The following MYBPHL variants were observed in gnomAD, a reference collection of about 807,000 sequenced individuals.
The protein encoded by MYBPHL is myosin-binding protein H-like.
A neutral mutation model predicts 39.5 loss-of-function variants in MYBPHL; 32 were observed. That is an observed-to-expected ratio of 0.81 (90% CI 0.61 to 1.09). The LOEUF is 1.09. MYBPHL is among the 50% of genes least tolerant of loss of function. The pLI is 0.00. For synonymous variants in MYBPHL, 196 were observed against 183.7 expected (o/e 1.07, Z -0.54); for missense variants, 456 against 460.2 (o/e 0.99, Z 0.08).
chr1:109,298,027 C>A, intron 2 of MYBPHL, 142 bp downstream of exon 2: 1 of 704,266 alleles, frequency 1.4e-6, no homozygotes, highest in Non-Finnish European at 2.3e-6. Context: ...GTCATTTGGC[C>A]TCAGACTTCT....
chr1:109,299,922 A>C (rs924004791), intron 1 of MYBPHL, among the ~76,000 whole-genome samples: 4 of 152,254 alleles, frequency 2.6e-5, no homozygotes, highest in Non-Finnish European at 4.4e-5. Context: ...CATCTTGGCA[A>C]GCAACCAAAG....
chr1:109,298,770 G>A lies in MYBPHL; in HGVS notation c.146-513C>T, dbSNP rs747556247. On this transcript the variant is annotated intron_variant, in intron 1 of 8. Coordinates refer to ENST00000357155, the MANE Select transcript of MYBPHL (RefSeq NM_001010985.3). ...ACACCCTGACCTCCCAGCCGCCCAC[G>A]GAGACAACACTGATGTCACTGCAGA... Among the ~76,000 whole-genome samples, 14 of 152,172 alleles carry A rather than the reference G, an allele frequency of 9.2e-5. 2 individuals carry two copies. The highest frequency in any genetic ancestry group is 3.3e-4 in the Admixed American group (5 of 15,286).
chr1:109,299,700 A>G (rs1170615109), intron 1 of MYBPHL, among the ~76,000 whole-genome samples: 1 of 152,192 alleles, frequency 6.6e-6, no homozygotes, highest in Non-Finnish European at 1.5e-5. Context: ...CTTAGACTGC[A>G]CCTCAGGAAT....
chr1:109,306,739 G>C, intron 1 of MYBPHL, 108 bp downstream of exon 1: 2 of 929,212 alleles, frequency 2.2e-6, no homozygotes, highest in South Asian at 2.0e-5. Context: ...CAATCCTATA[G>C]AGTCTTTAGC....
chr1:109,306,228 G>A (rs531478377), intron 1 of MYBPHL, among the ~76,000 whole-genome samples: 27 of 152,324 alleles, frequency 1.8e-4, no homozygotes, highest in African/African-American at 6.5e-4. Flanking sequence ...TCCTCACTTG[G>A]GAACGCCTCT....
intron 3 of MYBPHL, 107 bp downstream of exon 3, chr1:109,297,315 G>C: frequency 6.4e-7 from 1 of 1,559,940 alleles, no homozygotes; most frequent in East Asian, 2.3e-5. Context: ...TCCCAGACAT[G>C]ACGTGGGAGC....
intron 8 of MYBPHL, chr1:109,293,128 A>G (rs1657924119): frequency 2.0e-5 from 3 of 152,166 alleles, no homozygotes. Context: ...TACCATGCTC[A>G]TGATCCTGAG....
chr1:109,296,369 A>G lies in MYBPHL; in HGVS notation c.732T>C (p.Ala244=), dbSNP rs1658064139. ...CAAACCCCTTGGTCTTGTAAACAGT[A>G]GCTGAGGGCACCAAGAGGGGCTGGC... ...TTDLAHIQKA[A]TVYKTKGFAQ... Residue 244 remains alanine (A), a splice_region_variant and synonymous_variant, in exon 6 of 9, where the codon GCT becomes GCC. Transcript: ENST00000357155. 6.2e-7 allele frequency: 1 copy of G among 1,613,764 alleles called. No individual in the cohort carries two copies. Among genetic ancestry groups the G allele is most frequent in the Admixed American group, 1.7e-5 (1 of 59,982 alleles).
intron 8 of MYBPHL, 148 bp downstream of exon 8, chr1:109,294,058 C>T (rs554563604): frequency 7.4e-5 from 44 of 597,620 alleles, no homozygotes; most frequent in African/African-American, 6.6e-4. Context: ...AGTAAGACAT[C>T]ATTTCAAAAA....
intron 3 of MYBPHL, 71 bp downstream of exon 3, chr1:109,297,351 G>A (rs2101474603): frequency 5.1e-6 from 8 of 1,567,618 alleles, no homozygotes; most frequent in East Asian, 2.2e-5. Flanking sequence ...CCAGCTCTCT[G>A]AGCTGGCTCC....
Position 109,296,879 on chromosome 1 carries a change from C to G in MYBPHL, c.634G>C (p.Gly212Arg). The change falls in exon 5 of 9, where the codon GGC becomes CGC. Residue 212 changes from glycine (G) to arginine (R), a missense_variant. Transcript: ENST00000357155. The part of the protein sequence containing the change: ...TSCIVSDLII[G>R]NSYAFRVFAE... ...AAGACACGGAAGGCATAGGAGTTGC[C>G]GATGATGAGGTCAGAGACGATGCAG... 4 of 1,614,082 alleles carry G rather than the reference C, an allele frequency of 2.5e-6. No homozygotes were observed. The highest frequency in any genetic ancestry group is 3.4e-6 in the Non-Finnish European group (4 of 1,180,016).
intron 1 of MYBPHL, among the ~76,000 whole-genome samples, chr1:109,302,304 C>T (rs1055060833): frequency 1.3e-5 from 2 of 152,098 alleles, no homozygotes; most frequent in Non-Finnish European, 2.9e-5. Flanking sequence ...ACCGGGATTT[C>T]TTAGAGAAAC....
intron 1 of MYBPHL, among the ~76,000 whole-genome samples, chr1:109,302,673 G>A (rs1039800922): frequency 4.6e-5 from 7 of 152,056 alleles, no homozygotes; most frequent in Non-Finnish European, 1.0e-4. Flanking sequence ...CAATAACTTT[G>A]TCCTCTCCTA....
chr1:109,296,705 C>T, intron 5 of MYBPHL, 78 bp downstream of exon 5: 2 of 1,560,622 alleles, frequency 1.3e-6, no homozygotes, highest in South Asian at 2.3e-5. Flanking sequence ...TCCCAAAGTG[C>T]TGGAATTAGA....
chr1:109,296,686 G>C, intron 5 of MYBPHL, 97 bp downstream of exon 5: 1 of 1,432,522 alleles, frequency 7.0e-7, no homozygotes. Context: ...TGATCCGCCT[G>C]CCTTGGCCTC....
At chr1:109,299,276 T>C (rs1658199691) in intron 1 of MYBPHL, among the ~76,000 whole-genome samples, 1 of 152,192 alleles carries the variant, frequency 6.6e-6, no homozygotes, top group Admixed American at 6.5e-5. Flanking sequence ...CACAGTTCAT[T>C]CTTGGCAGTT....
chr1:109,297,393 C>A lies in MYBPHL; in HGVS notation c.430+29G>T, dbSNP rs367735390. The A allele has an allele frequency of 9.6e-5, 153 of 1,596,130 alleles. 2 individuals are homozygous for A. Among genetic ancestry groups the A allele is most frequent in the Non-Finnish European group, 9.4e-5 (110 of 1,170,072 alleles). On this transcript the variant is annotated intron_variant, in intron 3 of 8. Transcript: ENST00000357155. ...GCCTGGAGAGGGAGTTCCTGAGGAC[C>A]CCCCCATCTCCCACTTCCCCCACCG...
intron 1 of MYBPHL, among the ~76,000 whole-genome samples, chr1:109,300,825 C>T (rs576823197): frequency 1.3e-5 from 2 of 152,098 alleles, no homozygotes; most frequent in Non-Finnish European, 2.9e-5. Context: ...GCTCCATTGC[C>T]GGTTCTCTGC....
chr1:109,298,170 T>A lies in MYBPHL; in HGVS notation c.233A>T (p.Gln78Leu), dbSNP rs769257346. 1.2e-6 allele frequency: 2 copies of A among 1,605,262 alleles called. No homozygotes were observed. The highest frequency in any genetic ancestry group is 2.2e-5 in the South Asian group (2 of 89,394). ...GDTVNLLIPF[Q>L]GKPKPQAIWT... ...CCAGTATGGGGCTGGCATGATCACC[T>A]GGAATGGGATTAGTAGGTTCACTGT... The change falls in exon 2 of 9, where the codon CAG becomes CTG. Residue 78 changes from glutamine to leucine, a missense_variant and splice_region_variant. Gln to Leu is a moderately radical substitution (Grantham distance 113). Transcript: ENST00000357155.
Sources: allele counts gnomAD v4.1 joint callset (sites outside exome capture counted in the v4.1 genomes callset), GRCh38; gene constraint gnomAD v4.1.1; transcripts MANE v1.5; gene names NCBI Gene and HGNC (gene_info 2026-07-23, HGNC 2026-07-21).